Variants in SCAPER observed in about 807,000 individuals in gnomAD.
The protein encoded by SCAPER is S-phase cyclin A associated protein in the ER, also known as S phase cyclin A-associated protein in the endoplasmic reticulum.
Under a neutral mutation model 182.2 loss-of-function variants are expected in SCAPER, and 98 were observed. The ratio of observed to expected loss-of-function variants is 0.54; its 90% CI spans 0.46 to 0.64. SCAPER has a LOEUF of 0.64. SCAPER is among the 30% of genes least tolerant of loss of function. SCAPER has a pLI of 0.00. For missense variants in SCAPER, 1,432 were observed against 1,690.0 expected, an observed-to-expected ratio of 0.85 and a Z score of 2.68; for synonymous variants, 605 against 564.6, an observed-to-expected ratio of 1.07 and a Z score of -1.01.
At chr15:76,767,178 T>C in intron 10 of SCAPER, 90 bp from the exon 11 acceptor site, 1 of 1,183,792 alleles carries the variant, frequency 8.4e-7, no homozygotes, top group Non-Finnish European at 1.2e-6. Flanking sequence ...AACTCAACAG[T>C]ATACATAAAA....
chr15:76,466,416 CTTCTT>C (rs2049625772), intron 25 of SCAPER, among the ~76,000 whole-genome samples: 2 of 36,796 alleles, frequency 5.4e-5, no homozygotes, highest in Non-Finnish European at 1.3e-4. Flanking sequence ...TTGGTTGGTT[CTTCTT>C]TTTTTTTTTT....
chr15:76,526,680 A>AT (rs905809981), intron 23 of SCAPER, among the ~76,000 whole-genome samples: 14 of 151,734 alleles, frequency 9.2e-5, no homozygotes, highest in Middle Eastern at 3.4e-3. Flanking sequence ...TCCAGTCTAG[A>AT]TTTTTTTTCC....
rs1262624334 is a variant in SCAPER at position 76,835,007 on chromosome 15, T to A, written c.393+6727A>T. On this transcript the variant is annotated intron_variant, in intron 5 of 31. Transcript: ENST00000563290. ...GCTAATAAGAATTCTACTAAAAGTG[T>A]TCCCAAAAATTGGATGTTGGCAGAG... is the stretch of plus-strand genomic sequence containing the variant. 2.0e-5 allele frequency among the ~76,000 whole-genome samples: 3 copies of A among 151,996 alleles called. No individual in the cohort carries two copies. The East Asian group carries it at 5.8e-4, about 29-fold the overall frequency.
chr15:76,596,746 G>A lies in SCAPER; in HGVS notation c.2712-22462C>T, dbSNP rs1347972407. On this transcript the variant is annotated intron_variant, in intron 22 of 31. Transcript: ENST00000563290. ...CTCAATAGATGCAGAAAAGGCCTTC[G>A]ATAAAATTCAAAACCCTTCATGCTA... Among the ~76,000 whole-genome samples the A allele has an allele frequency of 3.3e-5, 4 of 120,332 alleles. 1 individual carries two copies. Among genetic ancestry groups the A allele is most frequent in the Admixed American group, 1.9e-4 (2 of 10,520 alleles). 78.9% of individuals were successfully genotyped at this position (120,332 alleles called of 152,430 possible).
chr15:76,660,232 A>G (rs1368225951), intron 21 of SCAPER, among the ~76,000 whole-genome samples: 1 of 152,110 alleles, frequency 6.6e-6, no homozygotes, highest in African/African-American at 2.4e-5. Context: ...ACTGGGGCCT[A>G]CTTGAGGATG....
chr15:76,867,481 T>C (rs1568371562), intron 2 of SCAPER, among the ~76,000 whole-genome samples: 1 of 152,226 alleles, frequency 6.6e-6, no homozygotes, highest in East Asian at 1.9e-4. Flanking sequence ...TAATTTACGA[T>C]AACTTTATCA....
At chr15:76,709,565 T>C (rs540592197) in intron 17 of SCAPER, among the ~76,000 whole-genome samples, 1 of 152,344 alleles carries the variant, frequency 6.6e-6, no homozygotes, top group African/African-American at 2.4e-5. Flanking sequence ...AAAACTTAAC[T>C]GGTAATTTGA....
chr15:76,724,506 T>C (rs2060467794), intron 17 of SCAPER, among the ~76,000 whole-genome samples: 1 of 152,176 alleles, frequency 6.6e-6, no homozygotes, highest in African/African-American at 2.4e-5. Flanking sequence ...TGCTGGATAA[T>C]ATCCTGCAGA....
rs779578914 is a variant in SCAPER, at chr15:76,764,999, C to T, written c.1687G>A (p.Glu563Lys). ...KAQQLREKLR[E>K]EKTLKLQKLL... ...TTCTGAAGCTTCAATGTTTTCTCTT[C>T]GCGTAACTTTTCCCTTAGCTGCTGT... The change falls in exon 14 of 32, where the codon GAA becomes AAA. Residue 563 changes from glutamate to lysine, a missense_variant. By Grantham distance (56) the Glu-to-Lys change is moderately conservative. Around this residue, in one of 5 missense-constraint regions of SCAPER, gnomAD observed 128 missense variants for 149.9 expected, o/e 0.85. Coordinates refer to ENST00000563290, the MANE Select transcript of SCAPER (RefSeq NM_020843.4). 10 of 1,602,240 alleles carry T rather than the reference C, an allele frequency of 6.2e-6. No individual in the cohort carries two copies. Among genetic ancestry groups the T allele is most frequent in the East Asian group, 2.2e-5 (1 of 44,696 alleles).
intron 21 of SCAPER, among the ~76,000 whole-genome samples, chr15:76,626,350 G>A (rs565423878): frequency 6.6e-6 from 1 of 152,218 alleles, no homozygotes; most frequent in South Asian, 2.1e-4. Flanking sequence ...GATACAAAGA[G>A]GTATATACAT....
intron 21 of SCAPER, among the ~76,000 whole-genome samples, chr15:76,626,715 TCAAA>T (rs907808930): frequency 6.6e-6 from 1 of 152,160 alleles, no homozygotes; most frequent in Non-Finnish European, 1.5e-5. Context: ...AGATTCTGTC[TCAAA>T]CAAACAAACA....
chr15:76,605,747 C>T (rs989446282), intron 22 of SCAPER, among the ~76,000 whole-genome samples: 1 of 152,102 alleles, frequency 6.6e-6, no homozygotes, highest in African/African-American at 2.4e-5. Context: ...CTGGTTTAGT[C>T]TTGGGAGGAT....
chr15:76,542,953 CAA>C (rs2044903581), intron 23 of SCAPER, among the ~76,000 whole-genome samples: 1 of 152,090 alleles, frequency 6.6e-6, no homozygotes, highest in Admixed American at 6.6e-5. Flanking sequence ...GTTCTCAATA[CAA>C]AGTTTTTCAG....
intron 23 of SCAPER, among the ~76,000 whole-genome samples, chr15:76,539,545 C>CTT (rs36086361): frequency 0.012 from 1,448 of 119,350 alleles, 41 homozygotes; most frequent in Middle Eastern, 0.018. Context: ...ATCAAAATTT[C>CTT]TTTTTTTTTT....
chr15:76,489,340 C>T (rs1410908700), intron 24 of SCAPER, among the ~76,000 whole-genome samples: 15 of 150,720 alleles, frequency 1.0e-4, no homozygotes, highest in African/African-American at 3.4e-4. Context: ...TAACATTAGC[C>T]CTTTTCTTAA....
chr15:76,636,282 T>C (rs1017389261), intron 21 of SCAPER, among the ~76,000 whole-genome samples: 2 of 152,178 alleles, frequency 1.3e-5, no homozygotes, highest in Non-Finnish European at 2.9e-5. Context: ...CAGTTAACCA[T>C]ACTAAGGATC....
At chr15:76,615,871 T>A (rs2051440158) in intron 22 of SCAPER, among the ~76,000 whole-genome samples, 1 of 148,024 alleles carries the variant, frequency 6.8e-6, no homozygotes, top group Non-Finnish European at 1.5e-5. Flanking sequence ...CACGAAAAGA[T>A]GTCCAACATC....
At chr15:76,401,103 C>A (rs1270136895) in intron 27 of SCAPER, among the ~76,000 whole-genome samples, 1 of 151,460 alleles carries the variant, frequency 6.6e-6, no homozygotes, top group Non-Finnish European at 1.5e-5. Flanking sequence ...CCAAGTAGAC[C>A]AAAGTTTACA....
intron 23 of SCAPER, among the ~76,000 whole-genome samples, chr15:76,550,275 T>C (rs1001902380): frequency 2.0e-5 from 3 of 152,196 alleles, no homozygotes; most frequent in Admixed American, 6.5e-5. Flanking sequence ...CATGGTGGTT[T>C]GCTGTACCTG....
Sources: allele counts gnomAD v4.1 joint callset (sites outside exome capture counted in the v4.1 genomes callset), GRCh38; gene constraint gnomAD v4.1.1; regional missense constraint gnomAD v4.1.1; transcripts MANE v1.5; gene names NCBI Gene and HGNC (gene_info 2026-07-23, HGNC 2026-07-21).